The following AGO2 variants were observed in gnomAD, a reference collection of about 807,000 sequenced individuals.
The protein encoded by AGO2 is protein argonaute-2.
A neutral mutation model predicts 102.3 loss-of-function variants in AGO2; 5 were observed. That is an observed-to-expected ratio of 0.05 (90% CI 0.03 to 0.10). The LOEUF (loss-of-function observed/expected upper bound fraction) is 0.10, where lower values mean the gene tolerates loss of function less well. AGO2 is among the 10% of genes least tolerant of loss of function. The pLI, the probability that AGO2 is intolerant of heterozygous loss-of-function variation, is 1.00. For missense variants in AGO2, 541 were observed against 1,183.7 expected (o/e 0.46, Z 7.97); for synonymous variants, 449 against 473.1 (o/e 0.95, Z 0.66).
At chr8:140,618,723 G>A (rs1463919211) in intron 1 of AGO2, among the ~76,000 whole-genome samples, 1 of 151,722 alleles carries the variant, frequency 6.6e-6, no homozygotes, top group African/African-American at 2.4e-5. Flanking sequence ...AGCTACCTGG[G>A]AGGCTGAGGT....
chr8:140,598,766 G>A (rs1364349650), intron 1 of AGO2, among the ~76,000 whole-genome samples: 1 of 152,110 alleles, frequency 6.6e-6, no homozygotes, highest in Non-Finnish European at 1.5e-5. Flanking sequence ...GCCCCAACAG[G>A]GCAGAATTAC....
At chr8:140,633,196 T>A (rs1211745902) in intron 1 of AGO2, among the ~76,000 whole-genome samples, 1 of 152,186 alleles carries the variant, frequency 6.6e-6, no homozygotes, top group Non-Finnish European at 1.5e-5. Flanking sequence ...TAATTCAAAT[T>A]GAATGTCTTA....
chr8:140,630,580 G>A (rs1370605144), intron 1 of AGO2, among the ~76,000 whole-genome samples: 2 of 152,254 alleles, frequency 1.3e-5, no homozygotes, highest in Non-Finnish European at 2.9e-5. Flanking sequence ...CCCCAGTGAG[G>A]AGGAGAGAGC....
intron 12 of AGO2, among the ~76,000 whole-genome samples, chr8:140,548,379 G>A (rs963248177): frequency 1.3e-5 from 2 of 150,474 alleles, no homozygotes; most frequent in Non-Finnish European, 2.9e-5. Context: ...CGCCCTGGCT[G>A]TAAGCAAATG....
intron 16 of AGO2, among the ~76,000 whole-genome samples, chr8:140,536,979 G>T (rs1036053254): frequency 6.6e-6 from 1 of 152,210 alleles, no homozygotes; most frequent in African/African-American, 2.4e-5. Flanking sequence ...TGTTTCAGCT[G>T]CATTGCATAA....
intron 16 of AGO2, among the ~76,000 whole-genome samples, chr8:140,536,327 T>A (rs2072696115): frequency 1.6e-5 from 1 of 62,338 alleles, no homozygotes; most frequent in Non-Finnish European, 2.6e-5. Context: ...TTCTTTGCAA[T>A]TTTTTTTTTT....
chr8:140,533,805 TAA>T (rs796958990), intron 17 of AGO2, among the ~76,000 whole-genome samples: 2 of 142,664 alleles, frequency 1.4e-5, no homozygotes, highest in Non-Finnish European at 3.1e-5. Flanking sequence ...AGACTCCGTC[TAA>T]AAAAAAAAAA....
At chr8:140,588,788 G>C (rs188968961) in intron 1 of AGO2, among the ~76,000 whole-genome samples, 1 of 151,996 alleles carries the variant, frequency 6.6e-6, no homozygotes, top group Non-Finnish European at 1.5e-5. Context: ...CAGGGCTGGC[G>C]GGCCCTCTGC....
At chr8:140,601,226 CT>C (rs2073928255) in intron 1 of AGO2, among the ~76,000 whole-genome samples, 1 of 152,226 alleles carries the variant, frequency 6.6e-6, no homozygotes, top group Non-Finnish European at 1.5e-5. Flanking sequence ...GGCCTTTGCA[CT>C]TCCTGTCTAC....
chr8:140,536,518 G>C (rs1198384784), intron 16 of AGO2, among the ~76,000 whole-genome samples: 1 of 152,084 alleles, frequency 6.6e-6, no homozygotes, highest in Non-Finnish European at 1.5e-5. Flanking sequence ...GTAGAGACGG[G>C]GTTTCACTAT....
Position 140,559,357 on chromosome 8 carries a change from C to T in AGO2, c.790+38G>A, listed in dbSNP as rs757863220. ...CCGGAGGCGGACCGGGAAGGGGCCT[C>T]CCAGCCCTCAGCCAGGTGTGCTGGG... is the stretch of plus-strand genomic sequence containing the variant. On this transcript the variant is annotated intron_variant, in intron 6 of 18. Transcript: ENST00000220592. The T allele has an allele frequency of 1.2e-5, 20 of 1,607,506 alleles. 1 individual carries two copies. The South Asian group carries it at 2.2e-4, about 18-fold the overall frequency.
At chr8:140,562,780 G>T in intron 3 of AGO2, 146 bp from the exon 4 acceptor site, 1 of 795,818 alleles carries the variant, frequency 1.3e-6, no homozygotes, top group Non-Finnish European at 2.0e-6. Flanking sequence ...ATGTGGCTAT[G>T]GAGCACTTGA....
chr8:140,560,984 A>G (rs2073190150), intron 4 of AGO2, among the ~76,000 whole-genome samples: 1 of 152,168 alleles, frequency 6.6e-6, no homozygotes, highest in South Asian at 2.1e-4. Flanking sequence ...TCCACGCATG[A>G]CCCAGCATCT....
chr8:140,613,303 T>C (rs559216872), intron 1 of AGO2, among the ~76,000 whole-genome samples: 4 of 152,240 alleles, frequency 2.6e-5, no homozygotes, highest in Non-Finnish European at 5.9e-5. Context: ...TAAGGAGATT[T>C]AGGAAAAATG....
At chr8:140,597,287 T>C (rs2073859485) in intron 1 of AGO2, among the ~76,000 whole-genome samples, 1 of 152,176 alleles carries the variant, frequency 6.6e-6, no homozygotes, top group Non-Finnish European at 1.5e-5. Flanking sequence ...CAGCCAGGGA[T>C]TCCAATTCCC....
At chr8:140,630,912 G>A (rs2074333315) in intron 1 of AGO2, among the ~76,000 whole-genome samples, 1 of 152,154 alleles carries the variant, frequency 6.6e-6, no homozygotes, top group South Asian at 2.1e-4. Context: ...ACCTTCGCTG[G>A]GCATGGTGGC....
chr8:140,556,374 C>T, intron 8 of AGO2, 88 bp from the exon 9 acceptor site: 1 of 1,550,490 alleles, frequency 6.4e-7, no homozygotes, highest in Non-Finnish European at 8.8e-7. Flanking sequence ...GGTGGCCTGG[C>T]TCTGCTTGGG....
intron 1 of AGO2, among the ~76,000 whole-genome samples, chr8:140,595,240 G>A (rs1027524650): frequency 5.9e-5 from 9 of 152,080 alleles, no homozygotes; most frequent in African/African-American, 1.9e-4. Context: ...TTGATCACAC[G>A]GCAAGAGCTC....
At chr8:140,635,270 C>T (rs1475838253) in intron 1 of AGO2, among the ~76,000 whole-genome samples, 1 of 145,938 alleles carries the variant, frequency 6.9e-6, no homozygotes, top group Non-Finnish European at 1.5e-5. Flanking sequence ...GCCGGGGCTG[C>T]GCGTCCAACG....
Sources: allele counts gnomAD v4.1 joint callset (sites outside exome capture counted in the v4.1 genomes callset), GRCh38; gene constraint gnomAD v4.1.1; transcripts MANE v1.5; gene names NCBI Gene and HGNC (gene_info 2026-07-23, HGNC 2026-07-21).